The following ZDHHC20 variants were observed in gnomAD, a reference collection of about 807,000 sequenced individuals.
ZDHHC20 encodes the protein palmitoyltransferase ZDHHC20.
In ZDHHC20, 43 loss-of-function variants were observed where a neutral mutation model predicts 57.8. The observed-to-expected ratio is 0.74, with a 90% CI of 0.58 to 0.96. ZDHHC20 has a LOEUF of 0.96. Among genes scored for constraint, ZDHHC20 ranks in the 40% least tolerant of loss-of-function variants. The probability of loss-of-function intolerance (pLI) is 0.00; values close to 1 mark genes in which losing one functional copy is unlikely to be tolerated. For missense variants in ZDHHC20, 391 were observed against 441.1 expected (o/e 0.89, Z 1.02); for synonymous variants, 157 against 153.0 (o/e 1.03, Z -0.19).
chr13:21,440,652 A>ATATATGTGCGTATATATATATATGTG (rs754122040), intron 1 of ZDHHC20, among the ~76,000 whole-genome samples: 1 of 151,952 alleles, frequency 6.6e-6, no homozygotes, highest in Non-Finnish European at 1.5e-5. Context: ...GTGTGTGTAT[A>ATATATGTGCGTATATATATATATGTG]TATATATATG....
At chr13:21,424,580 A>G (rs4770153) in intron 2 of ZDHHC20, among the ~76,000 whole-genome samples, 116,709 of 151,622 alleles carry the variant, frequency 0.77, 45,268 homozygotes, top group East Asian at 1. Context: ...GCGTGGTGGC[A>G]GGTGCCTGTA....
chr13:21,407,380 A>G (rs563183521), intron 4 of ZDHHC20, among the ~76,000 whole-genome samples: 71 of 152,344 alleles, frequency 4.7e-4, no homozygotes, highest in Middle Eastern at 3.4e-3. Context: ...TCTAATGACC[A>G]GTGATAATGA....
At chr13:21,413,877 T>C in intron 3 of ZDHHC20, 105 bp from the exon 4 acceptor site, 1 of 940,444 alleles carries the variant, frequency 1.1e-6, no homozygotes, top group Non-Finnish European at 1.6e-6. Context: ...AACTATTTTA[T>C]GAAGACAAAA....
chr13:21,433,024 G>A (rs1566104472), intron 1 of ZDHHC20, among the ~76,000 whole-genome samples: 2 of 152,140 alleles, frequency 1.3e-5, no homozygotes, highest in Admixed American at 6.5e-5. Context: ...ATTACATATA[G>A]CTTTCAGTAA....
chr13:21,405,894 T>C (rs1190928347), intron 4 of ZDHHC20, among the ~76,000 whole-genome samples: 1 of 152,198 alleles, frequency 6.6e-6, no homozygotes, highest in Non-Finnish European at 1.5e-5. Context: ...TCCATAATGC[T>C]TGGGTGCACC....
intron 7 of ZDHHC20, among the ~76,000 whole-genome samples, chr13:21,399,498 A>G (rs538056892): frequency 5.3e-5 from 8 of 152,256 alleles, no homozygotes; most frequent in African/African-American, 1.9e-4. Flanking sequence ...AGAGGCAGTT[A>G]CTTTCAATGT....
chr13:21,397,921 CT>C (rs1212753032), intron 7 of ZDHHC20, among the ~76,000 whole-genome samples: 5 of 151,952 alleles, frequency 3.3e-5, no homozygotes, highest in African/African-American at 1.2e-4. Context: ...TAAACCATGT[CT>C]GTGATATTAG....
At chr13:21,379,273 T>C (rs1330487510) in intron 11 of ZDHHC20, among the ~76,000 whole-genome samples, 3 of 152,018 alleles carry the variant, frequency 2.0e-5, no homozygotes, top group African/African-American at 4.8e-5. Context: ...ATGTCCAGAA[T>C]CATTTTTCTT....
chr13:21,443,061 GTTTA>G (rs968630047), intron 1 of ZDHHC20, among the ~76,000 whole-genome samples: 4 of 152,352 alleles, frequency 2.6e-5, no homozygotes, highest in African/African-American at 9.6e-5. Context: ...ATGAAGTACA[GTTTA>G]TTTGCTAGAT....
intron 3 of ZDHHC20, 133 bp downstream of exon 3, chr13:21,420,928 C>G: frequency 1.5e-6 from 1 of 674,842 alleles, no homozygotes; most frequent in Non-Finnish European, 2.6e-6. Flanking sequence ...ATTCACAGTA[C>G]AGAGCAACCA....
intron 3 of ZDHHC20, among the ~76,000 whole-genome samples, chr13:21,419,295 G>A (rs1258255340): frequency 6.6e-6 from 1 of 152,116 alleles, no homozygotes; most frequent in Admixed American, 6.5e-5. Flanking sequence ...AGAAAAAGCA[G>A]GCAAAAGACT....
At chr13:21,399,762 T>G (rs1877348014) in intron 7 of ZDHHC20, among the ~76,000 whole-genome samples, 1 of 152,158 alleles carries the variant, frequency 6.6e-6, no homozygotes, top group Non-Finnish European at 1.5e-5. Context: ...CAGCATACTA[T>G]ATGCATTCTT....
At chr13:21,378,536 C>T in intron 12 of ZDHHC20, 125 bp downstream of exon 12, 1 of 421,666 alleles carries the variant, frequency 2.4e-6, no homozygotes, top group East Asian at 3.7e-5. Flanking sequence ...CTAGTCTTTC[C>T]TGTACTGCCT....
chr13:21,450,454 C>A (rs933021131), intron 1 of ZDHHC20, among the ~76,000 whole-genome samples: 6 of 151,986 alleles, frequency 3.9e-5, no homozygotes, highest in African/African-American at 9.7e-5. Flanking sequence ...TAAAACAGAT[C>A]TTTTTTTTCA....
intron 3 of ZDHHC20, among the ~76,000 whole-genome samples, chr13:21,419,594 G>A (rs923523792): frequency 9.9e-5 from 15 of 152,190 alleles, no homozygotes; most frequent in African/African-American, 3.6e-4. Context: ...AATGAAAGAA[G>A]CCACACACAC....
chr13:21,440,646 G>T (rs1001605506), intron 1 of ZDHHC20, among the ~76,000 whole-genome samples: 1 of 107,982 alleles, frequency 9.3e-6, no homozygotes, highest in Admixed American at 8.3e-5. Context: ...GTGTGTGTGT[G>T]TGTATATATA....
At chr13:21,385,028 TTTAAAATGA>T (rs1291447234) in intron 9 of ZDHHC20, among the ~76,000 whole-genome samples, 1 of 151,740 alleles carries the variant, frequency 6.6e-6, no homozygotes, top group East Asian at 1.9e-4. Context: ...CAAACAAGAC[TTTAAAATGA>T]TTATAAATGT....
In ZDHHC20 at chr13:21,447,373, G is replaced by A. The variant is rs1159324939; in HGVS notation, c.118+11681C>T. 2.7e-5 allele frequency among the ~76,000 whole-genome samples: 4 copies of A among 149,892 alleles called. No individual in the cohort carries two copies. The East Asian group carries it at 5.9e-4, about 22-fold the overall frequency. ...AGCTGGACTGTACCGCTGCCATCTC[G>A]GCTCACTGCAACCTCCCTGCCTGAT... On this transcript the variant is annotated intron_variant, in intron 1 of 12. Coordinates refer to ENST00000400590, the MANE Select transcript of ZDHHC20 (RefSeq NM_001330059.2).
chr13:21,400,531 C>T (rs775929368), intron 6 of ZDHHC20, 38 bp from the exon 7 acceptor site: 41 of 1,519,616 alleles, frequency 2.7e-5, no homozygotes, highest in Non-Finnish European at 3.5e-5. Context: ...AAAAGTAAGA[C>T]AAATCACAAA....
Sources: allele counts gnomAD v4.1 joint callset (sites outside exome capture counted in the v4.1 genomes callset), GRCh38; gene constraint gnomAD v4.1.1; transcripts MANE v1.5; gene names NCBI Gene and HGNC (gene_info 2026-07-23, HGNC 2026-07-21).